ECSIT: variants seen among roughly 807,000 people sequenced by gnomAD.
ECSIT encodes the protein evolutionarily conserved signaling intermediate in Toll pathway, mitochondrial.
A neutral mutation model predicts 36.8 loss-of-function variants in ECSIT; 29 were observed. The ratio of observed to expected loss-of-function variants is 0.79; its 90% CI spans 0.59 to 1.08. The LOEUF is 1.08. Among genes scored for constraint, ECSIT ranks in the 50% least tolerant of loss-of-function variants. ECSIT has a pLI of 0.00. For missense variants in ECSIT, 542 were observed against 581.0 expected (o/e 0.93, Z 0.69); for synonymous variants, 231 against 234.8 (o/e 0.98, Z 0.15).
chr19:11,506,331 G>T lies in ECSIT; in HGVS notation c.1149C>A (p.Thr383=). Residue 383 remains threonine (T), a synonymous_variant, in exon 8 of 8, where the codon ACC becomes ACA. Transcript: ENST00000270517. ...WIQGLQETNP[T]LAQIPVVFRL... is the part of the protein sequence containing the mutation. ...GGAAGACCACGGGGATCTGGGCCAG[G>T]GTTGGGTTGGTCTCCTGCAGGCCCT... 6.2e-7 allele frequency: 1 copy of T among 1,613,528 alleles called. No individual in the cohort carries two copies. Among genetic ancestry groups the T allele is most frequent in the East Asian group, 2.2e-5 (1 of 44,878 alleles).
intron 1 of ECSIT, 118 bp downstream of exon 1, chr19:11,528,944 T>C (rs1972271095): frequency 6.6e-6 from 1 of 152,174 alleles, no homozygotes; most frequent in African/African-American, 2.4e-5. Flanking sequence ...CTACGAAAGG[T>C]CATGGCGCCC....
intron 7 of ECSIT, 117 bp from the exon 8 acceptor site, chr19:11,506,545 T>C: frequency 7.2e-7 from 1 of 1,382,200 alleles, no homozygotes; most frequent in East Asian, 2.5e-5. Flanking sequence ...TTTTTTTTTT[T>C]TTTTTTTGAG....
intron 1 of ECSIT, among the ~76,000 whole-genome samples, chr19:11,520,930 C>G (rs1972090386): frequency 6.6e-6 from 1 of 151,980 alleles, no homozygotes; most frequent in African/African-American, 2.4e-5. Flanking sequence ...CTCAGCCTCC[C>G]AAGTAGCTGG....
chr19:11,511,548 G>A (rs1430176512), intron 4 of ECSIT, among the ~76,000 whole-genome samples: 1 of 152,170 alleles, frequency 6.6e-6, no homozygotes, highest in Non-Finnish European at 1.5e-5. Flanking sequence ...CAGAAAATAA[G>A]GAAGATGCCT....
chr19:11,527,063 A>G (rs1972229907), intron 1 of ECSIT, among the ~76,000 whole-genome samples: 1 of 152,154 alleles, frequency 6.6e-6, no homozygotes, highest in South Asian at 2.1e-4. Flanking sequence ...GCTGTGGCTC[A>G]CGCCTGTAAT....
chr19:11,518,224 T>C (rs1972035279), intron 2 of ECSIT, among the ~76,000 whole-genome samples: 1 of 151,598 alleles, frequency 6.6e-6, no homozygotes, highest in Non-Finnish European at 1.5e-5. Flanking sequence ...GTCAGGAGTT[T>C]GAGACCAGCC....
chr19:11,523,550 G>T, intron 1 of ECSIT: 1 of 1,073,322 alleles, frequency 9.3e-7, no homozygotes. Flanking sequence ...CTGTGAAGCT[G>T]CCAAAGCCTT....
Position 11,513,068 on chromosome 19 carries a change from G to A in ECSIT, c.726C>T (p.Val242=), listed in dbSNP as rs1285867590. The A allele has an allele frequency of 1.9e-6, 3 of 1,613,950 alleles. No homozygotes were observed. Among genetic ancestry groups the A allele is most frequent in the South Asian group, 1.1e-5 (1 of 91,070 alleles). ...CAAGGGCGGATACCTGGTAGATGGT[G>A]ACCCTGGCACTAAGGTCAGGCTCCA... ...RHMEPDLSAR[V]TIYQVPLPKD... is the part of the protein sequence containing the mutation. Residue 242 remains valine, a synonymous_variant, in exon 4 of 8, where the codon GTC becomes GTT. Coordinates refer to ENST00000270517, the MANE Select transcript of ECSIT (RefSeq NM_016581.5).
intron 4 of ECSIT, among the ~76,000 whole-genome samples, chr19:11,512,353 T>C (rs753866241): frequency 6.7e-6 from 1 of 148,650 alleles, no homozygotes; most frequent in Non-Finnish European, 1.5e-5. Context: ...TCAAAAAAAA[T>C]ATGAAGAGGT....
At chr19:11,524,682 G>A (rs1972177302) in intron 1 of ECSIT, among the ~76,000 whole-genome samples, 1 of 151,750 alleles carries the variant, frequency 6.6e-6, no homozygotes, top group Non-Finnish European at 1.5e-5. Flanking sequence ...AATACCAGCT[G>A]GGTGTGGTGG....
chr19:11,515,426 C>T lies in ECSIT; in HGVS notation c.97-1205G>A, dbSNP rs530854103. Among the ~76,000 whole-genome samples, 6 of 151,926 alleles carry T rather than the reference C, an allele frequency of 3.9e-5. No individual in the cohort carries two copies. The East Asian group carries it at 9.8e-4, about 25-fold the overall frequency. ...GTAGCCACCTTAAGTCTTGAGATTA[C>T]AGGCATGAGCCACTGTACCCAGCCC... is the stretch of plus-strand genomic sequence containing the variant. On this transcript the variant is annotated intron_variant, in intron 2 of 7. Transcript: ENST00000270517.
rs1972096104 is a variant in ECSIT, at chr19:11,521,207, T to C, written c.-23-2014A>G. Among the ~76,000 whole-genome samples the C allele has an allele frequency of 3.9e-5, 6 of 152,342 alleles. No homozygotes were observed. The South Asian group carries it at 1.2e-3, about 32-fold the overall frequency. Reference sequence around the variant, plus strand: ...TTTGGGGTTGTTTGCCAAATGTTTTTGACTGTTATAACTACTACTGCCATG... The same window carrying C: ...TTTGGGGTTGTTTGCCAAATGTTTTCGACTGTTATAACTACTACTGCCATG... On this transcript the variant is annotated intron_variant, in intron 1 of 7. Transcript: ENST00000270517.
At chr19:11,521,463 T>TC (rs1479229674) in intron 1 of ECSIT, among the ~76,000 whole-genome samples, 1 of 152,016 alleles carries the variant, frequency 6.6e-6, no homozygotes. Context: ...GGATTTTTTT[T>TC]TTTTTTTTCA....
chr19:11,514,004 C>T lies in ECSIT; in HGVS notation c.314G>A (p.Gly105Asp), dbSNP rs1171519376. The change falls in exon 3 of 8, where the codon GGC becomes GAC. Residue 105 changes from glycine (G) to aspartate (D), a missense_variant. Gly to Asp is a moderately conservative substitution (Grantham distance 94, BLOSUM62 -1). Coordinates refer to ENST00000270517, the MANE Select transcript of ECSIT (RefSeq NM_016581.5). ...KFAEHSVRKRGHIDFIYLALR... is the reference protein window; with the variant it reads ...KFAEHSVRKRDHIDFIYLALR... The stretch of plus-strand genomic sequence containing the variant: ...GGCCAGGTAGATGAAGTCAATGTGG[C>T]CCCGCTTACGCACGCTGTGCTCCGC... 8.7e-6 allele frequency: 14 copies of T among 1,614,108 alleles called. No individual in the cohort carries two copies. The Admixed American group carries it at 1.2e-4, about 13-fold the overall frequency.
chr19:11,512,942 C>CAA (rs1270376650), intron 4 of ECSIT, 114 bp downstream of exon 4: 1 of 1,122,468 alleles, frequency 8.9e-7, no homozygotes, highest in Non-Finnish European at 1.3e-6. Context: ...GACCCTGTCT[C>CAA]AAAAAAGAAC....
intron 1 of ECSIT, among the ~76,000 whole-genome samples, chr19:11,521,159 A>C (rs1263618605): frequency 6.6e-6 from 1 of 152,128 alleles, no homozygotes; most frequent in Non-Finnish European, 1.5e-5. Flanking sequence ...TATTTTATTT[A>C]TGCATTCATC....
chr19:11,509,785 A>T (rs1028236357), intron 4 of ECSIT, among the ~76,000 whole-genome samples: 1 of 151,946 alleles, frequency 6.6e-6, no homozygotes, highest in African/African-American at 2.4e-5. Flanking sequence ...CAACAAAAAA[A>T]TTTGAGATGG....
rs749617699 is a variant in ECSIT, at chr19:11,513,098, C to A, written c.696G>T (p.Arg232=). 1.6e-5 allele frequency: 26 copies of A among 1,614,228 alleles called. No individual in the cohort carries two copies. Among genetic ancestry groups the A allele is most frequent in the Non-Finnish European group, 2.2e-5 (26 of 1,180,040 alleles). Residue 232 remains arginine, a synonymous_variant, in exon 4 of 8, where the codon CGG becomes CGT. Transcript: ENST00000270517. ...TGGCACTAAGGTCAGGCTCCATGTG[C>A]CGCAGGCCAAACATGGCCAGCTCCA... ...DPVELAMFGL[R]HMEPDLSARV... is the part of the protein sequence containing the mutation.
At chr19:11,516,694 C>G (rs1474777485) in intron 2 of ECSIT, among the ~76,000 whole-genome samples, 1 of 150,500 alleles carries the variant, frequency 6.6e-6, no homozygotes, top group Non-Finnish European at 1.5e-5. Flanking sequence ...TACACACACA[C>G]ACACACACAC....
Sources: gnomAD v4.1 joint callset for allele counts (sites outside exome capture counted in the v4.1 genomes callset) on GRCh38, gnomAD v4.1.1 for gene constraint, MANE v1.5 for transcripts, NCBI Gene and HGNC (gene_info 2026-07-23, HGNC 2026-07-21) for gene names.